Variants in CDH13 observed in about 807,000 individuals in gnomAD.
CDH13 encodes cadherin-13.
In CDH13, 24 loss-of-function variants were observed where a neutral mutation model predicts 63.8. The observed-to-expected ratio is 0.38, with a 90% CI of 0.27 to 0.53. CDH13 has a LOEUF of 0.53. Ranked by LOEUF, CDH13 falls within the 20% of genes least tolerant of loss-of-function variation. The pLI is 0.85. For missense variants in CDH13, 1,049 were observed against 903.1 expected, an observed-to-expected ratio of 1.16 and a Z score of -2.07; for synonymous variants, 503 against 355.3, an observed-to-expected ratio of 1.42 and a Z score of -4.67.
At chr16:83,448,112 T>C (rs978326231) in intron 6 of CDH13, among the ~76,000 whole-genome samples, 1 of 152,276 alleles carries the variant, frequency 6.6e-6, no homozygotes, top group East Asian at 1.9e-4. Flanking sequence ...ATTATAGAGA[T>C]ATAACTTTTA....
At chr16:83,049,943 G>T (rs1378370211) in intron 3 of CDH13, among the ~76,000 whole-genome samples, 2 of 152,052 alleles carry the variant, frequency 1.3e-5, no homozygotes, top group African/African-American at 4.8e-5. Flanking sequence ...TCTATTATCT[G>T]GATTTCATTA....
At chr16:82,855,573 A>G (rs898447745) in intron 1 of CDH13, among the ~76,000 whole-genome samples, 2 of 152,094 alleles carry the variant, frequency 1.3e-5, no homozygotes, top group Non-Finnish European at 2.9e-5. Context: ...GATTTTTCTG[A>G]CTCCTGGATC....
intron 8 of CDH13, among the ~76,000 whole-genome samples, chr16:83,635,154 G>T (rs1465249130): frequency 6.6e-6 from 1 of 151,982 alleles, no homozygotes; most frequent in East Asian, 1.9e-4. Context: ...TTGGTGTATA[G>T]CAATATGATG....
intron 2 of CDH13, among the ~76,000 whole-genome samples, chr16:83,010,927 C>G (rs565725241): frequency 1.3e-5 from 2 of 152,312 alleles, no homozygotes; most frequent in African/African-American, 2.4e-5. Flanking sequence ...GGCTGAAGCT[C>G]AAACCAGATG....
At chr16:82,984,374 G>A (rs551688742) in intron 2 of CDH13, among the ~76,000 whole-genome samples, 1 of 152,276 alleles carries the variant, frequency 6.6e-6, no homozygotes, top group African/African-American at 2.4e-5. Flanking sequence ...TTAAGACAAT[G>A]TACCTCCGAA....
chr16:83,775,085 A>T (rs1915014911), intron 11 of CDH13, among the ~76,000 whole-genome samples: 1 of 151,908 alleles, frequency 6.6e-6, no homozygotes, highest in African/African-American at 2.4e-5. Flanking sequence ...CAAGCTATGT[A>T]ATAAAAATTC....
In CDH13 at chr16:82,739,309, A is replaced by G. The variant is rs560748628; in HGVS notation, c.45+112172A>G. Among the ~76,000 whole-genome samples the G allele has an allele frequency of 1.1e-4, 17 of 152,352 alleles. No homozygotes were observed. In the South Asian group the frequency reaches 3.5e-3, roughly 32 times the overall value. On this transcript the variant is annotated intron_variant, in intron 1 of 13. Coordinates refer to ENST00000567109, the MANE Select transcript of CDH13 (RefSeq NM_001257.5). ...CCACCTACTTTTAGATAAAGAAATC[A>G]TCTTCTGCCAAGATGGGGCTAGATG...
chr16:83,618,473 A>G (rs1308627062), intron 8 of CDH13, among the ~76,000 whole-genome samples: 1 of 152,000 alleles, frequency 6.6e-6, no homozygotes, highest in African/African-American at 2.4e-5. Flanking sequence ...CATTCAATAC[A>G]TAGTTTTATA....
rs527864036 is a variant in CDH13 at position 83,711,186 on chromosome 16, G to C, written c.1538+32725G>C. 6.6e-5 allele frequency among the ~76,000 whole-genome samples: 10 copies of C among 152,312 alleles called. No individual in the cohort carries two copies. In the South Asian group the frequency reaches 2.1e-3, roughly 32 times the overall value. The stretch of plus-strand genomic sequence containing the variant: ...ACTTCAGATGCAGGGAGATTTTGAA[G>C]CTATCCCATTAGAAAGTCAATAGTC... On this transcript the variant is annotated intron_variant, in intron 10 of 13. Coordinates refer to ENST00000567109, the MANE Select transcript of CDH13 (RefSeq NM_001257.5).
In CDH13 at chr16:83,730,040, T is replaced by C. The variant is rs369701852; in HGVS notation, c.1539-18068T>C. Among the ~76,000 whole-genome samples, 160 of 152,348 alleles carry C rather than the reference T, an allele frequency of 1.1e-3. 1 individual carries two copies. The highest frequency in any genetic ancestry group is 3.8e-3 in the African/African-American group (157 of 41,578). The stretch of plus-strand genomic sequence containing the variant: ...CGGTGCTATACACATACCTACCTAC[T>C]ATAAAGATTTACTTCGTATGTGTTG... On this transcript the variant is annotated intron_variant, in intron 10 of 13. Transcript: ENST00000567109.
chr16:82,754,118 C>T (rs766829263), intron 1 of CDH13, among the ~76,000 whole-genome samples: 3 of 152,110 alleles, frequency 2.0e-5, no homozygotes, highest in Admixed American at 6.5e-5. Context: ...TAGTTCATGG[C>T]GCAGGGTCAG....
chr16:82,990,217 C>T (rs924772895), intron 2 of CDH13: 3 of 152,172 alleles, frequency 2.0e-5, no homozygotes, highest in South Asian at 2.1e-4. Flanking sequence ...CAAAGTTCAT[C>T]TTTGAAATGG....
intron 4 of CDH13, among the ~76,000 whole-genome samples, chr16:83,131,473 C>T (rs1056719217): frequency 6.6e-6 from 1 of 152,068 alleles, no homozygotes; most frequent in African/African-American, 2.4e-5. Context: ...TTTTCCCCTC[C>T]CCCTTCAAAG....
At chr16:83,301,175 G>C (rs776296819) in intron 5 of CDH13, among the ~76,000 whole-genome samples, 33 of 151,722 alleles carry the variant, frequency 2.2e-4, no homozygotes, top group Non-Finnish European at 4.6e-4. Context: ...GGGACTACAG[G>C]CGCCCACCAC....
intron 5 of CDH13, among the ~76,000 whole-genome samples, chr16:83,220,139 G>T (rs2039653136): frequency 6.6e-6 from 1 of 152,174 alleles, no homozygotes. Context: ...TTCCCTCCGT[G>T]CTTCATGCAC....
chr16:82,639,358 A>G (rs1909098933), intron 1 of CDH13: 15 of 1,533,668 alleles, frequency 9.8e-6, no homozygotes, highest in African/African-American at 1.4e-5. Flanking sequence ...GCTTTTGACC[A>G]GGGCCAAACA....
At position 83,443,504 on chromosome 16, in the gene CDH13, T is replaced by C. The variant is rs12933570; in HGVS notation, c.782-42973T>C. 4.3e-3 allele frequency among the ~76,000 whole-genome samples: 658 copies of C among 152,148 alleles called. 2 individuals are homozygous for C. Among genetic ancestry groups the C allele is most frequent in the Non-Finnish European group, 6.7e-3 (454 of 68,014 alleles). On this transcript the variant is annotated intron_variant, in intron 6 of 13. Transcript: ENST00000567109. ...TACGGGTTACTAGCCCCTCACTTTT[T>C]CTGAAGTACTAAAAGCAGAATCAGG...
Position 83,798,622 on chromosome 16 carries a change from T to G in CDH13, c.*3592T>G, listed in dbSNP as rs1904295456. ...CTATCTGGCTCCAGGGTTCATGTTC[T>G]TCCGACAACATCACAATGCCACTCT... On this transcript the variant is annotated 3_prime_UTR_variant, in exon 14 of 14. Coordinates refer to ENST00000567109, the MANE Select transcript of CDH13 (RefSeq NM_001257.5). 1 of 152,188 alleles carries G rather than the reference T, an allele frequency of 6.6e-6. No individual in the cohort carries two copies. Among genetic ancestry groups the G allele is most frequent in the Admixed American group, 6.5e-5 (1 of 15,272 alleles). 9.4% of individuals were successfully genotyped at this position (152,188 alleles called of 1,614,324 possible).
intron 4 of CDH13, among the ~76,000 whole-genome samples, chr16:83,202,848 A>G (rs1196957354): frequency 6.6e-6 from 1 of 150,854 alleles, no homozygotes; most frequent in East Asian, 1.9e-4. Flanking sequence ...ATAAACATTG[A>G]GTACACATGG....
Sources: allele counts gnomAD v4.1 joint callset (sites outside exome capture counted in the v4.1 genomes callset), GRCh38; gene constraint gnomAD v4.1.1; transcripts MANE v1.5; gene names NCBI Gene and HGNC (gene_info 2026-07-23, HGNC 2026-07-21).